TCF7L2: variants seen among roughly 807,000 people sequenced by gnomAD.
The protein encoded by TCF7L2 is transcription factor 7-like 2.
TCF7L2 carries 23 observed loss-of-function variants against 77.9 expected under a neutral mutation model. The observed-to-expected ratio is 0.30, with a 90% CI of 0.21 to 0.42. TCF7L2 has a LOEUF of 0.42. TCF7L2 is among the 10% of genes least tolerant of loss of function. The probability of loss-of-function intolerance (pLI) is 1.00; values close to 1 mark genes in which losing one functional copy is unlikely to be tolerated. For synonymous variants in TCF7L2, 413 were observed against 340.2 expected, an observed-to-expected ratio of 1.21 and a Z score of -2.36; for missense variants, 654 against 793.1, an observed-to-expected ratio of 0.82 and a Z score of 2.11.
intron 3 of TCF7L2, among the ~76,000 whole-genome samples, chr10:112,961,395 A>G (rs2035187307): frequency 6.6e-6 from 1 of 152,098 alleles, no homozygotes; most frequent in South Asian, 2.1e-4. Flanking sequence ...TCATATTCCA[A>G]AGCACACAAA....
chr10:113,153,429 C>G (rs2071180873), intron 11 of TCF7L2, among the ~76,000 whole-genome samples: 1 of 152,236 alleles, frequency 6.6e-6, no homozygotes, highest in African/African-American at 2.4e-5. Context: ...CATCCCCTTC[C>G]TGTCGATGTC....
intron 11 of TCF7L2, among the ~76,000 whole-genome samples, chr10:113,153,610 C>T (rs2071223809): frequency 6.6e-6 from 1 of 152,146 alleles, no homozygotes. Context: ...ACACACAGCT[C>T]TTAACTGCCT....
intron 4 of TCF7L2, among the ~76,000 whole-genome samples, chr10:112,971,943 C>T (rs754638435): frequency 8.6e-5 from 13 of 150,522 alleles, no homozygotes; most frequent in African/African-American, 3.0e-4. Context: ...TTTTTTGAAG[C>T]GGAGTCTCGC....
chr10:113,097,007 C>T (rs932681074), intron 5 of TCF7L2, among the ~76,000 whole-genome samples: 6 of 152,096 alleles, frequency 3.9e-5, no homozygotes, highest in African/African-American at 1.4e-4. Flanking sequence ...CTGAGCCCCG[C>T]GTCACCATCC....
intron 4 of TCF7L2, among the ~76,000 whole-genome samples, chr10:113,013,114 GTTTTTTTTTT>G (rs35964949): frequency 9.1e-6 from 1 of 109,916 alleles, no homozygotes; most frequent in African/African-American, 3.9e-5. Context: ...TAAGCAAGTG[GTTTTTTTTTT>G]TTTTTTTTTT....
chr10:113,048,044 C>T (rs894517713), intron 5 of TCF7L2, among the ~76,000 whole-genome samples: 2 of 152,174 alleles, frequency 1.3e-5, no homozygotes, highest in Non-Finnish European at 1.5e-5. Context: ...AGGATCTTGA[C>T]TCTGCAGGGG....
chr10:113,131,046 G>A (rs1460935007), intron 5 of TCF7L2, among the ~76,000 whole-genome samples: 2 of 152,252 alleles, frequency 1.3e-5, no homozygotes, highest in East Asian at 1.9e-4. Flanking sequence ...GATTACAGGC[G>A]TGAGCCACCG....
At chr10:112,968,900 T>C (rs1055221175) in intron 4 of TCF7L2, among the ~76,000 whole-genome samples, 23 of 152,110 alleles carry the variant, frequency 1.5e-4, no homozygotes, top group African/African-American at 5.3e-4. Flanking sequence ...TTCAGCTGTG[T>C]GGGGGTTCGG....
At chr10:113,077,253 A>G (rs540387571) in intron 5 of TCF7L2, among the ~76,000 whole-genome samples, 1 of 152,354 alleles carries the variant, frequency 6.6e-6, no homozygotes, top group South Asian at 2.1e-4. Context: ...TTCCAATAAA[A>G]TGTACTCAAA....
chr10:112,986,601 A>G (rs2041587212), intron 4 of TCF7L2, among the ~76,000 whole-genome samples: 1 of 152,162 alleles, frequency 6.6e-6, no homozygotes, highest in Non-Finnish European at 1.5e-5. Context: ...TAAAGCTATA[A>G]TCGGTCTGCA....
chr10:113,046,808 C>T (rs1169259157), intron 5 of TCF7L2, among the ~76,000 whole-genome samples: 4 of 152,138 alleles, frequency 2.6e-5, no homozygotes, highest in Non-Finnish European at 5.9e-5. Context: ...TCGGAGATTA[C>T]ATTGTGAATA....
intron 5 of TCF7L2, among the ~76,000 whole-genome samples, chr10:113,127,531 G>A (rs537720884): frequency 2.4e-4 from 36 of 151,986 alleles, no homozygotes; most frequent in Non-Finnish European, 1.6e-4. Flanking sequence ...CATGCTGAAA[G>A]GAAAGGAAGC....
intron 5 of TCF7L2, among the ~76,000 whole-genome samples, chr10:113,051,659 A>G (rs2054501919): frequency 6.6e-6 from 1 of 152,210 alleles, no homozygotes; most frequent in Non-Finnish European, 1.5e-5. Flanking sequence ...TCCCCCACAA[A>G]TGATTTCTAA....
intron 5 of TCF7L2, among the ~76,000 whole-genome samples, chr10:113,069,973 T>C (rs990314611): frequency 2.0e-5 from 3 of 151,886 alleles, no homozygotes; most frequent in Admixed American, 1.3e-4. Flanking sequence ...AAAAAAATTA[T>C]TGGGCCGGGC....
intron 3 of TCF7L2, among the ~76,000 whole-genome samples, chr10:112,954,228 A>G (rs1200483890): frequency 6.6e-6 from 1 of 152,196 alleles, no homozygotes; most frequent in East Asian, 1.9e-4. Context: ...ATTTCGCTGT[A>G]TGCTTTATTA....
chr10:113,032,109 C>T (rs1357989287), intron 4 of TCF7L2, among the ~76,000 whole-genome samples: 2 of 152,306 alleles, frequency 1.3e-5, no homozygotes, highest in South Asian at 4.1e-4. Context: ...CCATACTTTT[C>T]CTGGGAGTAC....
chr10:112,959,565 G>A (rs572781725), intron 3 of TCF7L2, among the ~76,000 whole-genome samples: 29 of 152,334 alleles, frequency 1.9e-4, no homozygotes, highest in African/African-American at 6.7e-4. Context: ...CTGTCGTTAA[G>A]TTATTGTTTA....
At chr10:113,125,582 G>A (rs1402166984) in intron 5 of TCF7L2, 2 of 152,112 alleles carry the variant, frequency 1.3e-5, no homozygotes, top group Non-Finnish European at 2.9e-5. Flanking sequence ...TGGATGACTC[G>A]GAGTTCAGCA....
intron 13 of TCF7L2, 92 bp from the exon 15 acceptor site, chr10:113,165,463 A>G: frequency 3.6e-6 from 5 of 1,391,188 alleles, no homozygotes; most frequent in Non-Finnish European, 5.0e-6. Flanking sequence ...GACATCCCTT[A>G]GGTGACCTCA....
Sources: gnomAD v4.1 joint callset for allele counts (sites outside exome capture counted in the v4.1 genomes callset) on GRCh38, gnomAD v4.1.1 for gene constraint, MANE v1.5 for transcripts, NCBI Gene and HGNC (gene_info 2026-07-23, HGNC 2026-07-21) for gene names.